The following TXNDC16 variants were observed in gnomAD, a reference collection of about 807,000 sequenced individuals.
The protein encoded by TXNDC16 is thioredoxin domain containing 16.
A neutral mutation model predicts 85.6 loss-of-function variants in TXNDC16; 74 were observed. The observed-to-expected ratio is 0.86, with a 90% CI of 0.72 to 1.05. TXNDC16 has a LOEUF of 1.05. Among genes scored for constraint, TXNDC16 ranks in the 50% least tolerant of loss-of-function variants. TXNDC16 has a pLI of 0.00. For synonymous variants in TXNDC16, 335 were observed against 326.5 expected (o/e 1.03, Z -0.28); for missense variants, 959 against 947.0 (o/e 1.01, Z -0.17).
chr14:52,439,320 A>AAAACAAGAAGAGGAAG lies in TXNDC16; in HGVS notation c.2062_2077dup (p.Leu693SerfsTer26), dbSNP rs2035110194. ...TTGGCCACCTGAATGCAGATTCACC[A>AAAACAAGAAGAGGAAG]AAACAAGAAGAGGAAGGGGAGGCAG... On this transcript the variant is annotated frameshift_variant, in exon 20 of 21. Transcript: ENST00000281741. LOFTEE classifies it high-confidence loss of function. 1 of 1,613,982 alleles carries AAAACAAGAAGAGGAAG rather than the reference A, an allele frequency of 6.2e-7. No homozygotes were observed. The highest frequency in any genetic ancestry group is 1.3e-5 in the African/African-American group (1 of 74,938).
chr14:52,486,771 C>T (rs1006696654), intron 12 of TXNDC16, among the ~76,000 whole-genome samples: 8 of 151,992 alleles, frequency 5.3e-5, no homozygotes, highest in African/African-American at 1.9e-4. Context: ...GAAAAATAAA[C>T]AAAAAAGGCA....
chr14:52,523,794 A>C (rs1411156281), intron 6 of TXNDC16, among the ~76,000 whole-genome samples: 1 of 151,980 alleles, frequency 6.6e-6, no homozygotes, highest in Non-Finnish European at 1.5e-5. Flanking sequence ...ATGACCTTAA[A>C]ATTTAAGAGT....
chr14:52,469,797 A>G (rs2035860647), intron 16 of TXNDC16, among the ~76,000 whole-genome samples: 1 of 152,226 alleles, frequency 6.6e-6, no homozygotes. Flanking sequence ...ACACAGTTTT[A>G]GCCCAATTAT....
intron 20 of TXNDC16, among the ~76,000 whole-genome samples, chr14:52,436,962 G>A (rs935084635): frequency 4.6e-5 from 7 of 151,752 alleles, no homozygotes; most frequent in African/African-American, 1.7e-4. Flanking sequence ...TAGTACCTAG[G>A]AGACTTTTTG....
intron 11 of TXNDC16, among the ~76,000 whole-genome samples, chr14:52,489,815 G>A (rs1299030601): frequency 2.0e-5 from 3 of 152,044 alleles, no homozygotes; most frequent in African/African-American, 7.2e-5. Context: ...TTTCATCACT[G>A]CTATGGTTTG....
intron 18 of TXNDC16, among the ~76,000 whole-genome samples, chr14:52,452,882 A>G (rs2035443727): frequency 2.6e-5 from 4 of 152,252 alleles, no homozygotes; most frequent in Admixed American, 1.3e-4. Flanking sequence ...CACAATCAAC[A>G]AAGTGGAGAG....
At chr14:52,497,219 A>G (rs1046957893) in intron 9 of TXNDC16, among the ~76,000 whole-genome samples, 4 of 152,292 alleles carry the variant, frequency 2.6e-5, no homozygotes, top group East Asian at 1.9e-4. Flanking sequence ...ATATGCCAAT[A>G]AATTTGATAA....
Position 52,453,935 on chromosome 14 carries a change from A to G in TXNDC16, c.1842+1389T>C, listed in dbSNP as rs1005082844. Among the ~76,000 whole-genome samples the G allele has an allele frequency of 2.0e-5, 3 of 152,316 alleles. No homozygotes were observed. The East Asian group carries it at 5.8e-4, about 29-fold the overall frequency. ...AAGTAGGGATGGTTAATGGGTACAAAAACTAGTTTGAAAGAATAAAGAAGA... is the reference window on the plus strand; with the variant it reads ...AAGTAGGGATGGTTAATGGGTACAAGAACTAGTTTGAAAGAATAAAGAAGA... On this transcript the variant is annotated intron_variant, in intron 18 of 20. Coordinates refer to ENST00000281741, the MANE Select transcript of TXNDC16 (RefSeq NM_020784.3).
At chr14:52,449,261 T>A in intron 18 of TXNDC16, among the ~76,000 whole-genome samples, 1 of 151,742 alleles carries the variant, frequency 6.6e-6, no homozygotes, top group African/African-American at 2.4e-5. Flanking sequence ...AAAAAGATAA[T>A]CCATGCCAAT....
chr14:52,520,092 A>G (rs1223713670), intron 6 of TXNDC16, among the ~76,000 whole-genome samples: 5 of 152,212 alleles, frequency 3.3e-5, no homozygotes, highest in African/African-American at 1.2e-4. Context: ...TGAAAGAAAA[A>G]GTAGGGCAGG....
At chr14:52,507,290 A>T (rs1010843746) in intron 9 of TXNDC16, among the ~76,000 whole-genome samples, 1 of 152,180 alleles carries the variant, frequency 6.6e-6, no homozygotes, top group Non-Finnish European at 1.5e-5. Flanking sequence ...AGAGAGCCAA[A>T]TCATGAGTGA....
chr14:52,460,436 C>T (rs978619868), intron 16 of TXNDC16, among the ~76,000 whole-genome samples: 2 of 152,182 alleles, frequency 1.3e-5, no homozygotes, highest in Admixed American at 6.5e-5. Context: ...TTTCAAAAAT[C>T]GTATGAAAGT....
chr14:52,534,265 C>T (rs1341078147), intron 6 of TXNDC16, among the ~76,000 whole-genome samples: 1 of 152,164 alleles, frequency 6.6e-6, no homozygotes, highest in East Asian at 1.9e-4. Flanking sequence ...TCTGGCAAAA[C>T]CACCACCTTC....
At chr14:52,461,196 T>C (rs936583054) in intron 16 of TXNDC16, among the ~76,000 whole-genome samples, 1 of 151,770 alleles carries the variant, frequency 6.6e-6, no homozygotes, top group Non-Finnish European at 1.5e-5. Context: ...CATTTAGTAG[T>C]TTTAATTATA....
chr14:52,513,266 A>C (rs1451905111), intron 8 of TXNDC16, among the ~76,000 whole-genome samples: 1 of 152,214 alleles, frequency 6.6e-6, no homozygotes, highest in Non-Finnish European at 1.5e-5. Context: ...TAGTGTCTAC[A>C]TCACATAGGA....
intron 4 of TXNDC16, among the ~76,000 whole-genome samples, chr14:52,539,191 G>C (rs1246718614): frequency 6.6e-6 from 1 of 152,186 alleles, no homozygotes; most frequent in Non-Finnish European, 1.5e-5. Context: ...TAAAAAAATT[G>C]TAAGGGAATA....
In TXNDC16 at chr14:52,470,589, C is replaced by A; in HGVS notation, c.1404G>T (p.Lys468Asn). The change falls in exon 15 of 21, where the codon AAG becomes AAT. Residue 468 changes from lysine (K) to asparagine (N), a missense_variant. Lys to Asn is a moderately conservative substitution (Grantham distance 94). Coordinates refer to ENST00000281741, the MANE Select transcript of TXNDC16 (RefSeq NM_020784.3). ...KQNVTEFPII[K>N]MYKKGENPVS... is the part of the protein sequence containing the mutation. The stretch of plus-strand genomic sequence containing the variant: ...CTGGGTTCTCGCCTTTCTTGTACAT[C>A]TTTATGATAGGAAATTCAGTAACAT... 6.2e-7 allele frequency: 1 copy of A among 1,613,960 alleles called. No homozygotes were observed.
At chr14:52,542,280 G>A (rs1594767581) in intron 4 of TXNDC16, 91 bp downstream of exon 4, 1 of 806,844 alleles carries the variant, frequency 1.2e-6, no homozygotes, top group African/African-American at 1.7e-5. Context: ...AAAAAGATAT[G>A]AAATGGAAGT....
chr14:52,467,401 A>G (rs1047269944), intron 16 of TXNDC16, among the ~76,000 whole-genome samples: 12 of 152,186 alleles, frequency 7.9e-5, no homozygotes, highest in African/African-American at 2.9e-4. Context: ...TTCTGCAACA[A>G]AAATATAAAT....
Sources: allele counts gnomAD v4.1 joint callset (sites outside exome capture counted in the v4.1 genomes callset), GRCh38; gene constraint gnomAD v4.1.1; transcripts MANE v1.5; gene names NCBI Gene and HGNC (gene_info 2026-07-23, HGNC 2026-07-21).